Variants in ACIN1 observed in about 807,000 individuals in gnomAD.
The protein encoded by ACIN1 is apoptotic chromatin condensation inducer in the nucleus.
Under a neutral mutation model 146.6 loss-of-function variants are expected in ACIN1, and 16 were observed. The ratio of observed to expected loss-of-function variants is 0.11; its 90% CI spans 0.07 to 0.17. The LOEUF (loss-of-function observed/expected upper bound fraction) is 0.17, where lower values mean the gene tolerates loss of function less well. ACIN1 is among the 10% of genes least tolerant of loss of function. ACIN1 has a pLI of 1.00. For missense variants in ACIN1, 1,357 were observed against 1,609.3 expected, an observed-to-expected ratio of 0.84 and a Z score of 2.68; for synonymous variants, 569 against 582.7, an observed-to-expected ratio of 0.98 and a Z score of 0.34.
At chr14:23,079,308 G>A (rs2047881786) in intron 6 of ACIN1, among the ~76,000 whole-genome samples, 1 of 152,154 alleles carries the variant, frequency 6.6e-6, no homozygotes, top group African/African-American at 2.4e-5. Flanking sequence ...ATCTAGTGGA[G>A]GAGATGAGTA....
At position 23,067,292 on chromosome 14, in the gene ACIN1, T is replaced by C; in HGVS notation, c.2266-1284A>G. ...GAAAATAAACTAGGAATATGACAAA[T>C]GTTCCAGGTACCATCTCACACCTGG... On this transcript the variant is annotated intron_variant, in intron 9 of 18. Transcript: ENST00000605057. This position sits in a 1 kb window ranked among gnomAD's most constrained non-coding sequence, Gnocchi z 4.6. The C allele has an allele frequency of 1.0e-6, 1 of 984,638 alleles. No homozygotes were observed. The highest frequency in any genetic ancestry group is 1.2e-6 in the Non-Finnish European group (1 of 829,310). 61.0% of individuals were successfully genotyped at this position (984,638 alleles called of 1,614,324 possible). A position where few individuals can be genotyped will look rare whatever the true frequency, so the allele number is the denominator to read the frequency against.
chr14:23,082,437 ATTTTTTT>A (rs11378976), intron 4 of ACIN1, among the ~76,000 whole-genome samples: 2,907 of 95,818 alleles, frequency 0.03, 101 homozygotes, highest in African/African-American at 0.11. Context: ...AGAGCTCAAT[ATTTTTTT>A]TTTTTTTTTT....
chr14:23,075,983 G>T (rs2047791575), intron 8 of ACIN1, among the ~76,000 whole-genome samples: 1 of 152,320 alleles, frequency 6.6e-6, no homozygotes, highest in South Asian at 2.1e-4. Flanking sequence ...TTACAGGCAT[G>T]AGTCACCACG....
chr14:23,061,939 A>G (rs1259488608), intron 16 of ACIN1, among the ~76,000 whole-genome samples: 1 of 139,364 alleles, frequency 7.2e-6, no homozygotes, highest in Non-Finnish European at 1.5e-5. Context: ...GCGCCACTGC[A>G]CTCCAGCCTG....
chr14:23,094,708 G>T (rs193186235), intron 1 of ACIN1: 2 of 657,900 alleles, frequency 3.0e-6, no homozygotes, highest in Non-Finnish European at 2.4e-6. Context: ...GGAGGGGGTG[G>T]GGGAAGGAGG....
chr14:23,082,641 C>T (rs147725515), intron 4 of ACIN1, among the ~76,000 whole-genome samples: 193 of 152,182 alleles, frequency 1.3e-3, no homozygotes, highest in African/African-American at 4.5e-3. Flanking sequence ...TATGGGGTTT[C>T]ATCCTGTTGG....
chr14:23,079,975 A>G lies in ACIN1; in HGVS notation c.1360T>C (p.Tyr454His), dbSNP rs748302363. The G allele has an allele frequency of 6.2e-7, 1 of 1,614,128 alleles. No homozygotes were observed. The highest frequency in any genetic ancestry group is 8.5e-7 in the Non-Finnish European group (1 of 1,180,030). ...PLVQKSTLAD[Y>H]SAQKDLEPES... ...GGTTCAAGATCCTTCTGGGCTGAGT[A>G]GTCAGCCAGTGTGCTTTTCTGAACC... is the stretch of plus-strand genomic sequence containing the variant. The change falls in exon 6 of 19, where the codon TAC (tyrosine) becomes CAC (histidine). Residue 454 changes from tyrosine (Y) to histidine (H), a missense_variant. Tyr to His is a moderately conservative substitution (Grantham distance 83). Around this residue, in one of 4 missense-constraint regions of ACIN1, gnomAD observed 771 missense variants for 746.6 expected, o/e 1.03. Coordinates refer to ENST00000605057, the MANE Select transcript of ACIN1 (RefSeq NM_001386863.1).
At chr14:23,071,616 A>T in intron 8 of ACIN1, 2 of 1,469,614 alleles carry the variant, frequency 1.4e-6, no homozygotes, top group Non-Finnish European at 1.8e-6. Flanking sequence ...GCAGCAGGGG[A>T]GGGGAAAGAA....
At chr14:23,070,782 G>A (rs2047616300) in intron 8 of ACIN1, among the ~76,000 whole-genome samples, 1 of 152,106 alleles carries the variant, frequency 6.6e-6, no homozygotes, top group Admixed American at 6.5e-5. Context: ...ACACTCAGAG[G>A]TCAGAAGAAC....
chr14:23,090,137 G>A (rs747837467), intron 3 of ACIN1, 36 bp from the exon 4 acceptor site: 2 of 1,603,300 alleles, frequency 1.2e-6, no homozygotes, highest in Admixed American at 1.7e-5. Flanking sequence ...CAGGGAGGGA[G>A]TGAAGGACTC....
chr14:23,062,915 A>C lies in ACIN1; in HGVS notation c.2883+14T>G. ...CCACTAAGCAAGCTGGGATGGTGAG[A>C]AACAATGACTTACCAAATTGGAGAT... On this transcript the variant is annotated intron_variant, in intron 14 of 18. Coordinates refer to ENST00000605057, the MANE Select transcript of ACIN1 (RefSeq NM_001386863.1). 6 of 1,596,746 alleles carry C rather than the reference A, an allele frequency of 3.8e-6. No homozygotes were observed. Among genetic ancestry groups the C allele is most frequent in the Non-Finnish European group, 5.1e-6 (6 of 1,172,062 alleles).
rs1289587887 is a variant in ACIN1 at position 23,080,715 on chromosome 14, C to T, written c.620G>A (p.Arg207Gln). 4 of 1,613,926 alleles carry T rather than the reference C, an allele frequency of 2.5e-6. No individual in the cohort carries two copies. Among genetic ancestry groups the T allele is most frequent in the South Asian group, 1.1e-5 (1 of 91,078 alleles). The change falls in exon 6 of 19, where the codon CGA becomes CAA. Residue 207 changes from arginine (R) to glutamine (Q), a missense_variant. Physicochemically the swap from Arg to Gln is conservative, Grantham distance 43. This residue lies in a region of ACIN1 where 771 missense variants were observed against 746.6 expected (regional missense o/e 1.03). Transcript: ENST00000605057. ...TTCTTCCTCCTCTGTTTTCAAATTT[C>T]GATCTGCTCTGACCCTTAGGTTTCT... ...PSRNLRVRAD[R>Q]NLKTEEEEEE...
chr14:23,062,106 GA>G (rs2140001858), intron 16 of ACIN1, 61 bp downstream of exon 16: 1 of 1,379,612 alleles, frequency 7.2e-7, no homozygotes, highest in East Asian at 2.3e-5. Flanking sequence ...GATCTCAGCT[GA>G]AATCTAGCAG....
chr14:23,080,510 C>G lies in ACIN1; in HGVS notation c.825G>C (p.Val275=), dbSNP rs773746914. ...TTGTAAATCTCCCTCCTCTCTCTAA[C>G]ACCTCCTGTTCCTGGGATCTTGTTT... The part of the protein sequence containing the change: ...RPKTRSQEQE[V]LERGGRFTRS... Residue 275 remains valine (V), a synonymous_variant, in exon 6 of 19, where the codon GTG becomes GTC. Transcript: ENST00000605057. 6.2e-7 allele frequency: 1 copy of G among 1,614,158 alleles called. No homozygotes were observed. Among genetic ancestry groups the G allele is most frequent in the Admixed American group, 1.7e-5 (1 of 60,026 alleles).
Position 23,064,274 on chromosome 14 carries a change from C to A in ACIN1, c.2443-17G>T. On this transcript the variant is annotated splice_polypyrimidine_tract_variant and intron_variant, in intron 11 of 18. Coordinates refer to ENST00000605057, the MANE Select transcript of ACIN1 (RefSeq NM_001386863.1). ...GATGAGGCTCTGGGACACAGATACC[C>A]CCCACCCCGTTACACTGGGCCCATG... 6.2e-7 allele frequency: 1 copy of A among 1,613,998 alleles called. No homozygotes were observed. Among genetic ancestry groups the A allele is most frequent in the Non-Finnish European group, 8.5e-7 (1 of 1,180,020 alleles).
chr14:23,078,968 T>A lies in ACIN1; in HGVS notation c.1859A>T (p.Gln620Leu), dbSNP rs113611108. The A allele has an allele frequency of 8.1e-6, 13 of 1,614,226 alleles. No individual in the cohort carries two copies. The highest frequency in any genetic ancestry group is 6.7e-5 in the African/African-American group (5 of 75,064). The change falls in exon 7 of 19, where the codon CAG (glutamine) becomes CTG (leucine). Residue 620 changes from glutamine (Q) to leucine (L), a missense_variant. Around this residue, in one of 4 missense-constraint regions of ACIN1, gnomAD observed 771 missense variants for 746.6 expected, o/e 1.03. Transcript: ENST00000605057. ...YTETKDPSSG[Q>L]EVATPPVPQL... ...TGGCACTGGTGGAGTTGCAACCTCC[T>A]GACCAGAAGAGGGATCTTTGGTTTC...
intron 8 of ACIN1, chr14:23,071,681 G>A: frequency 1.0e-6 from 1 of 953,088 alleles, no homozygotes; most frequent in South Asian, 1.8e-5. Context: ...GCCACAGGGA[G>A]CCGACTGCTG....
chr14:23,080,750 T>G lies in ACIN1; in HGVS notation c.585A>C (p.Glu195Asp). Residue 195 changes from glutamate (E) to aspartate (D), a missense_variant, in exon 6 of 19, where the codon GAA (glutamate) becomes GAC (aspartate). Glu to Asp is a conservative substitution (Grantham distance 45, BLOSUM62 2). Around this residue, in one of 4 missense-constraint regions of ACIN1, gnomAD observed 771 missense variants for 746.6 expected, o/e 1.03. Coordinates refer to ENST00000605057, the MANE Select transcript of ACIN1 (RefSeq NM_001386863.1). The stretch of plus-strand genomic sequence containing the variant: ...TGACCCTTAGGTTTCTGGAAGGTGT[T>G]TCTTGATCCTCTTCCTCCTCAGCAG... ...SQPAEEEEDQ[E>D]TPSRNLRVRA... The G allele has an allele frequency of 6.2e-7, 1 of 1,613,670 alleles. No homozygotes were observed. Among genetic ancestry groups the G allele is most frequent in the Non-Finnish European group, 8.5e-7 (1 of 1,179,654 alleles).
intron 8 of ACIN1, chr14:23,071,585 C>A (rs972137873): frequency 1.0e-5 from 16 of 1,537,794 alleles, no homozygotes; most frequent in Non-Finnish European, 1.2e-5. Flanking sequence ...CCTGTGTGTG[C>A]GGATGGGGGA....
Sources: allele counts gnomAD v4.1 joint callset (sites outside exome capture counted in the v4.1 genomes callset), GRCh38; gene constraint gnomAD v4.1.1; regional missense constraint gnomAD v4.1.1; non-coding constraint Gnocchi (gnomAD v3.1); transcripts MANE v1.5; gene names NCBI Gene and HGNC (gene_info 2026-07-23, HGNC 2026-07-21).